The following ARHGAP44 variants were observed in gnomAD, a reference collection of about 807,000 sequenced individuals.
ARHGAP44 encodes Rho GTPase activating protein 44, also known as rho GTPase-activating protein 44.
ARHGAP44 carries 43 observed loss-of-function variants against 106.8 expected under a neutral mutation model. The observed-to-expected ratio is 0.40, with a 90% CI of 0.32 to 0.52. The LOEUF (loss-of-function observed/expected upper bound fraction) is 0.52, where lower values mean the gene tolerates loss of function less well. Among genes scored for constraint, ARHGAP44 ranks in the 20% least tolerant of loss-of-function variants. The pLI, the probability that ARHGAP44 is intolerant of heterozygous loss-of-function variation, is 0.48. For synonymous variants in ARHGAP44, 439 were observed against 410.3 expected (o/e 1.07, Z -0.85); for missense variants, 866 against 1,050.5 (o/e 0.82, Z 2.43).
chr17:12,856,258 G>T (rs138968053), intron 1 of ARHGAP44, among the ~76,000 whole-genome samples: 2 of 152,226 alleles, frequency 1.3e-5, no homozygotes, highest in African/African-American at 2.4e-5. Flanking sequence ...AATCCCAGGG[G>T]AATCTAGTAA....
chr17:12,804,631 ATTGT>A (rs1567622408), intron 1 of ARHGAP44, among the ~76,000 whole-genome samples: 2 of 152,154 alleles, frequency 1.3e-5, no homozygotes. Context: ...TGTCATGGAG[ATTGT>A]TCTTCAATGA....
At chr17:12,821,969 T>C (rs1324642485) in intron 1 of ARHGAP44, among the ~76,000 whole-genome samples, 2 of 152,196 alleles carry the variant, frequency 1.3e-5, no homozygotes, top group Non-Finnish European at 2.9e-5. Context: ...TATAAAGACC[T>C]ATAGTCCTAG....
intron 16 of ARHGAP44, among the ~76,000 whole-genome samples, chr17:12,963,229 T>C (rs11871464): frequency 0.1 from 15,274 of 152,020 alleles, 894 homozygotes; most frequent in South Asian, 0.2. Flanking sequence ...TCTGATTGCT[T>C]TCCCTTCGAG....
chr17:12,868,494 C>A lies in ARHGAP44; in HGVS notation c.54-26446C>A, dbSNP rs142747783. On this transcript the variant is annotated intron_variant, in intron 1 of 20. Coordinates refer to ENST00000379672, the MANE Select transcript of ARHGAP44 (RefSeq NM_014859.6). Reference sequence around the variant, plus strand: ...TACATTCCAAAACCACATGCAAGATCGTGGAGAAAGTCCATTCTTCACAAC... The same window carrying A: ...TACATTCCAAAACCACATGCAAGATAGTGGAGAAAGTCCATTCTTCACAAC... Among the ~76,000 whole-genome samples, 9 of 149,712 alleles carry A rather than the reference C, an allele frequency of 6.0e-5. No homozygotes were observed. The East Asian group carries it at 1.8e-3, about 30-fold the overall frequency.
chr17:12,835,011 A>T (rs537553540), intron 1 of ARHGAP44, among the ~76,000 whole-genome samples: 2 of 152,330 alleles, frequency 1.3e-5, no homozygotes, highest in East Asian at 3.9e-4. Flanking sequence ...ACTTGCTATG[A>T]GGGTTGTAAA....
At chr17:12,976,200 A>G (rs1049877433) in intron 18 of ARHGAP44, among the ~76,000 whole-genome samples, 8 of 152,144 alleles carry the variant, frequency 5.3e-5, no homozygotes, top group Admixed American at 2.0e-4. Context: ...ATGCATACAC[A>G]TGGACACTCA....
At chr17:12,813,708 G>T (rs558954667) in intron 1 of ARHGAP44, among the ~76,000 whole-genome samples, 1 of 152,260 alleles carries the variant, frequency 6.6e-6, no homozygotes, top group African/African-American at 2.4e-5. Context: ...CACACAAAGA[G>T]AGTGTATCTT....
chr17:12,923,955 A>G (rs895319883), intron 6 of ARHGAP44, among the ~76,000 whole-genome samples: 2 of 152,032 alleles, frequency 1.3e-5, no homozygotes, highest in African/African-American at 2.4e-5. Context: ...TACCCCCTGC[A>G]TTTCTCCATA....
In ARHGAP44 at chr17:12,822,201, T is replaced by C. The variant is rs1383867422; in HGVS notation, c.53+32310T>C. Among the ~76,000 whole-genome samples the C allele has an allele frequency of 2.0e-5, 3 of 152,350 alleles. No homozygotes were observed. The East Asian group carries it at 5.8e-4, about 29-fold the overall frequency. On this transcript the variant is annotated intron_variant, in intron 1 of 20. Coordinates refer to ENST00000379672, the MANE Select transcript of ARHGAP44 (RefSeq NM_014859.6). ...TGCTATTATAGTGAATAAACAGTCA[T>C]AGACAATATATAAATGACTGAGCAT...
chr17:12,806,629 C>T lies in ARHGAP44; in HGVS notation c.53+16738C>T, dbSNP rs1380792821. ...TCTCCCCATAGTTTTTGGTTATGAGCATGGATTCTGATGTCAGATTCCCAT... is the reference window on the plus strand; with the variant it reads ...TCTCCCCATAGTTTTTGGTTATGAGTATGGATTCTGATGTCAGATTCCCAT... On this transcript the variant is annotated intron_variant, in intron 1 of 20. Transcript: ENST00000379672. Among the ~76,000 whole-genome samples the T allele has an allele frequency of 2.0e-5, 3 of 152,266 alleles. No individual in the cohort carries two copies. In the East Asian group the frequency reaches 5.8e-4, roughly 29 times the overall value.
At position 12,991,285 on chromosome 17, in the gene ARHGAP44, T is replaced by G. The variant is rs1203165380; in HGVS notation, c.*1114T>G. 6.6e-6 allele frequency: 1 copy of G among 152,640 alleles called. No homozygotes were observed. The highest frequency in any genetic ancestry group is 1.5e-5 in the Non-Finnish European group (1 of 68,046). 9.5% of individuals were successfully genotyped at this position (152,640 alleles called of 1,614,324 possible). ...GCATGCAAAGTCAAAGTTTAAAATT[T>G]TATCCTTTTCAAATAGATGATATAA... On this transcript the variant is annotated 3_prime_UTR_variant, in exon 21 of 21. Coordinates refer to ENST00000379672, the MANE Select transcript of ARHGAP44 (RefSeq NM_014859.6).
At chr17:12,790,628 C>A (rs1224962696) in intron 1 of ARHGAP44, 1 of 152,522 alleles carries the variant, frequency 6.6e-6, no homozygotes, top group Non-Finnish European at 1.5e-5. Context: ...ACAGAGGCCC[C>A]ACAGTCAGAA....
At position 12,990,711 on chromosome 17, in the gene ARHGAP44, G is replaced by A. The variant is rs1567730989; in HGVS notation, c.*540G>A. ...TGACCTTTGCCAGCTACCTGGGGGA[G>A]GGCTTGCCACTGGAAAACCTTTCAG... is the stretch of plus-strand genomic sequence containing the variant. On this transcript the variant is annotated 3_prime_UTR_variant, in exon 21 of 21. Coordinates refer to ENST00000379672, the MANE Select transcript of ARHGAP44 (RefSeq NM_014859.6). The A allele has an allele frequency of 6.6e-6, 1 of 152,486 alleles. No homozygotes were observed. The highest frequency in any genetic ancestry group is 1.5e-5 in the Non-Finnish European group (1 of 68,228). 9.4% of individuals were successfully genotyped at this position (152,486 alleles called of 1,614,324 possible). A position where few individuals can be genotyped will look rare whatever the true frequency, so the allele number is the denominator to read the frequency against.
intron 1 of ARHGAP44, among the ~76,000 whole-genome samples, chr17:12,843,986 T>C (rs2035492986): frequency 6.6e-6 from 1 of 152,150 alleles, no homozygotes; most frequent in Non-Finnish European, 1.5e-5. Flanking sequence ...AAGTCTTGAC[T>C]GAGCTCAAAC....
At chr17:12,977,835 C>A (rs762457955) in intron 18 of ARHGAP44, among the ~76,000 whole-genome samples, 1 of 151,952 alleles carries the variant, frequency 6.6e-6, no homozygotes, top group Non-Finnish European at 1.5e-5. Context: ...GTCAGGAGAT[C>A]GAGGCCATCC....
intron 4 of ARHGAP44, among the ~76,000 whole-genome samples, chr17:12,912,612 A>G (rs1310572668): frequency 1.3e-5 from 2 of 152,198 alleles, no homozygotes; most frequent in African/African-American, 4.8e-5. Context: ...AATTAAGCGT[A>G]TGCCACAGAG....
intron 1 of ARHGAP44, among the ~76,000 whole-genome samples, chr17:12,808,242 TC>T (rs1221712540): frequency 1.3e-4 from 20 of 152,304 alleles, no homozygotes; most frequent in Admixed American, 2.6e-4. Flanking sequence ...GTACAAGCGG[TC>T]AGTGGATCTT....
Position 12,789,739 on chromosome 17 carries a change from C to A in ARHGAP44, c.-100C>A. 8.6e-7 allele frequency: 1 copy of A among 1,159,146 alleles called. No individual in the cohort carries two copies. Among genetic ancestry groups the A allele is most frequent in the Non-Finnish European group, 1.1e-6 (1 of 889,216 alleles). 71.8% of individuals were successfully genotyped at this position (1,159,146 alleles called of 1,614,324 possible). A position where few individuals can be genotyped will look rare whatever the true frequency, so the allele number is the denominator to read the frequency against. ...GGAGGCTCCGCAGTGCCGCCGCCGT[C>A]GCCCGGGAGGCTCCGCGCGGGAGCC... On this transcript the variant is annotated 5_prime_UTR_variant, in exon 1 of 21. Transcript: ENST00000379672.
intron 1 of ARHGAP44, among the ~76,000 whole-genome samples, chr17:12,822,036 C>G (rs1426673119): frequency 1.3e-5 from 2 of 152,116 alleles, no homozygotes; most frequent in Non-Finnish European, 2.9e-5. Context: ...TTGATTGATA[C>G]TTTGTTGAGG....
Sources: allele counts gnomAD v4.1 joint callset (sites outside exome capture counted in the v4.1 genomes callset), GRCh38; gene constraint gnomAD v4.1.1; transcripts MANE v1.5; gene names NCBI Gene and HGNC (gene_info 2026-07-23, HGNC 2026-07-21).